Variants in ZNF256 observed in about 807,000 individuals in gnomAD.
The protein encoded by ZNF256 is zinc finger protein 256.
ZNF256 carries 4 observed loss-of-function variants against 7.9 expected under a neutral mutation model. The ratio of observed to expected loss-of-function variants is 0.50; its 90% CI spans 0.25 to 1.15. The LOEUF (loss-of-function observed/expected upper bound fraction) is 1.15, where lower values mean the gene tolerates loss of function less well. Among genes scored for constraint, ZNF256 ranks in the 50% most tolerant of loss-of-function variants. The pLI is 0.15. For missense variants in ZNF256, 666 were observed against 755.9 expected (o/e 0.88, Z 1.39); for synonymous variants, 260 against 260.4 (o/e 1.00, Z 0.02).
At chr19:57,944,202 G>C in intron 1 of ZNF256, 142 bp from the exon 2 acceptor site, 1 of 1,264,760 alleles carries the variant, frequency 7.9e-7, no homozygotes, top group Non-Finnish European at 1.1e-6. Context: ...CAGTCAGCTG[G>C]TGCTGTTGTC....
At chr19:57,944,521 G>C (rs909393543) in intron 1 of ZNF256, among the ~76,000 whole-genome samples, 3 of 152,186 alleles carry the variant, frequency 2.0e-5, no homozygotes, top group African/African-American at 7.2e-5. Flanking sequence ...CATGCTACCT[G>C]AGTGAAAGAG....
chr19:57,942,623 T>TC lies in ZNF256; in HGVS notation c.184dup (p.Glu62GlyfsTer17). The TC allele has an allele frequency of 6.2e-7, 1 of 1,613,722 alleles. No individual in the cohort carries two copies. The highest frequency in any genetic ancestry group is 8.5e-7 in the Non-Finnish European group (1 of 1,179,704). ...AGAAGTGCTCTGCTGATAAGGTGCC[T>TC]CCTCATCCCCTGCTCCAGAACCACC... On this transcript the variant is annotated frameshift_variant, in exon 3 of 3. Transcript: ENST00000282308. LOFTEE classifies it low-confidence loss of function (END_TRUNC).
At position 57,941,619 on chromosome 19, in the gene ZNF256, G is replaced by A. The variant is rs1229075891; in HGVS notation, c.1189C>T (p.His397Tyr). 20 of 1,614,016 alleles carry A rather than the reference G, an allele frequency of 1.2e-5. No homozygotes were observed. The highest frequency in any genetic ancestry group is 1.7e-5 in the Non-Finnish European group (20 of 1,180,040). Residue 397 changes from histidine to tyrosine, a missense_variant, in exon 3 of 3, where the codon CAC becomes TAC. Physicochemically the swap from His to Tyr is moderately conservative, Grantham distance 83. Coordinates refer to ENST00000282308, the MANE Select transcript of ZNF256 (RefSeq NM_005773.3). ...CCTTCTCCAATGTGAAGTCTCCGGT[G>A]TTTAATGAGGTGACAGCTCTGGCTA... ...SFSQSCHLIK[H>Y]RRLHIGEGPY... is the part of the protein sequence containing the mutation.
At chr19:57,944,685 G>A (rs78814992) in intron 1 of ZNF256, among the ~76,000 whole-genome samples, 68 of 152,206 alleles carry the variant, frequency 4.5e-4, no homozygotes, top group African/African-American at 1.5e-3. Context: ...TCAGCCAGGC[G>A]TGGTGGCACA....
At chr19:57,946,633 C>G (rs1035439246) in intron 1 of ZNF256, among the ~76,000 whole-genome samples, 2 of 152,178 alleles carry the variant, frequency 1.3e-5, no homozygotes, top group African/African-American at 4.8e-5. Context: ...CTCAACCCCC[C>G]AGTTTGTGCC....
chr19:57,946,079 G>A (rs1463584292), intron 1 of ZNF256, among the ~76,000 whole-genome samples: 1 of 152,162 alleles, frequency 6.6e-6, no homozygotes, highest in East Asian at 1.9e-4. Context: ...CGTGGCCACT[G>A]CCAAACTACA....
chr19:57,943,707 C>T (rs1338341579), intron 2 of ZNF256, among the ~76,000 whole-genome samples: 5 of 152,080 alleles, frequency 3.3e-5, no homozygotes, highest in Admixed American at 3.3e-4. Context: ...TCCATGAGGC[C>T]GACTATAAGA....
intron 1 of ZNF256, among the ~76,000 whole-genome samples, chr19:57,945,534 T>C (rs1268022179): frequency 6.6e-6 from 1 of 152,200 alleles, no homozygotes; most frequent in Admixed American, 6.5e-5. Flanking sequence ...TCTCAGGCCA[T>C]CTAAGGCTGT....
At chr19:57,943,383 A>C (rs1335903811) in intron 2 of ZNF256, among the ~76,000 whole-genome samples, 1 of 152,176 alleles carries the variant, frequency 6.6e-6, no homozygotes, top group Admixed American at 6.5e-5. Flanking sequence ...CCTCAGAACC[A>C]CAGGGCCTGT....
chr19:57,945,787 C>A lies in ZNF256; in HGVS notation c.33+1655G>T, dbSNP rs1315911293. ...ACAGGTGAATCACAGATAACCATGGCCCTATTCCACTTCTGTGCTGCACTT... is the reference window on the plus strand; with the variant it reads ...ACAGGTGAATCACAGATAACCATGGACCTATTCCACTTCTGTGCTGCACTT... On this transcript the variant is annotated intron_variant, in intron 1 of 2. Transcript: ENST00000282308. Among the ~76,000 whole-genome samples the A allele has an allele frequency of 2.6e-5, 4 of 152,152 alleles. No individual in the cohort carries two copies. The East Asian group carries it at 5.8e-4, about 22-fold the overall frequency.
rs1299324180 is a variant in ZNF256 at position 57,941,785 on chromosome 19, G to C, written c.1023C>G (p.His341Gln). The change falls in exon 3 of 3, where the codon CAC becomes CAG. Residue 341 changes from histidine to glutamine, a missense_variant. Physicochemically the swap from His to Gln is conservative, Grantham distance 24. Transcript: ENST00000282308. Reference protein sequence around the residue: ...SFSHSSSLITHQRIHTGMRPY... With the variant: ...SFSHSSSLITQQRIHTGMRPY... ...GCCTCATTCCAGTATGAATTCTCTG[G>C]TGTGTAATGAGGCTAGAGCTATGGC... 6.2e-7 allele frequency: 1 copy of C among 1,613,838 alleles called. No homozygotes were observed. The highest frequency in any genetic ancestry group is 8.5e-7 in the Non-Finnish European group (1 of 1,179,944).
chr19:57,946,636 T>TTTGTGC (rs1483306312), intron 1 of ZNF256, among the ~76,000 whole-genome samples: 20 of 152,274 alleles, frequency 1.3e-4, no homozygotes, highest in Middle Eastern at 6.8e-3. Context: ...AACCCCCCAG[T>TTTGTGC]TTGTGCCCCA....
intron 1 of ZNF256, among the ~76,000 whole-genome samples, chr19:57,945,514 G>A (rs977852592): frequency 1.3e-5 from 2 of 152,198 alleles, no homozygotes; most frequent in Admixed American, 6.5e-5. Context: ...AAGTGGGAAG[G>A]GGAATTTGTT....
chr19:57,943,188 G>C (rs2072742371), intron 2 of ZNF256, among the ~76,000 whole-genome samples: 1 of 152,224 alleles, frequency 6.6e-6, no homozygotes, highest in Non-Finnish European at 1.5e-5. Flanking sequence ...TAAGTATCAA[G>C]AATGGGAAAG....
rs537053779 is a variant in ZNF256 at position 57,941,083 on chromosome 19, A to G, written c.1725T>C (p.Tyr575=). ...AGGATTTTCCACATTCACTGCATTCATAAGGCCTTTCTCCGGTATGAACTC... is the reference window on the plus strand; with the variant it reads ...AGGATTTTCCACATTCACTGCATTCGTAAGGCCTTTCTCCGGTATGAACTC... ...HRRVHTGERP[Y]ECSECGKSFS... The change falls in exon 3 of 3, where the codon TAT becomes TAC. Residue 575 remains tyrosine (Y), a synonymous_variant. Transcript: ENST00000282308. 23 of 1,614,058 alleles carry G rather than the reference A, an allele frequency of 1.4e-5. No homozygotes were observed. Among genetic ancestry groups the G allele is most frequent in the Non-Finnish European group, 1.9e-5 (22 of 1,180,026 alleles).
At chr19:57,946,007 A>G (rs2123194973) in intron 1 of ZNF256, among the ~76,000 whole-genome samples, 1 of 152,358 alleles carries the variant, frequency 6.6e-6, no homozygotes, top group Middle Eastern at 3.4e-3. Flanking sequence ...AATAAGCACG[A>G]GTTTTGGCCT....
rs781635571 is a variant in ZNF256 at position 57,941,248 on chromosome 19, C to T, written c.1560G>A (p.Glu520=). 201 of 1,614,016 alleles carry T rather than the reference C, an allele frequency of 1.2e-4. No individual in the cohort carries two copies. The highest frequency in any genetic ancestry group is 1.6e-4 in the Non-Finnish European group (187 of 1,180,044). Residue 520 remains glutamate (E), a synonymous_variant, in exon 3 of 3, where the codon GAG becomes GAA. Coordinates refer to ENST00000282308, the MANE Select transcript of ZNF256 (RefSeq NM_005773.3). ...QRVHTGERPY[E]CNECGKFFSQ... is the part of the protein sequence containing the mutation. ...TAAAAAACTTCCCACATTCATTGCA[C>T]TCATAAGGCCTTTCTCCAGTGTGAA...
rs776056252 is a variant in ZNF256, at chr19:57,941,112, G to T, written c.1696C>A (p.Arg566=). 1 of 1,613,946 alleles carries T rather than the reference G, an allele frequency of 6.2e-7. No homozygotes were observed. Among genetic ancestry groups the T allele is most frequent in the South Asian group, 1.1e-5 (1 of 91,064 alleles). Residue 566 remains arginine, a synonymous_variant, in exon 3 of 3, where the codon CGA becomes AGA. Transcript: ENST00000282308. ...FSNHSSLVKH[R]RVHTGERPYE... ...GGCCTTTCTCCGGTATGAACTCTTC[G>T]GTGTTTAACGAGGCTAGAGTGGTTA...
chr19:57,942,026 T>G lies in ZNF256; in HGVS notation c.782A>C (p.His261Pro). Reference sequence around the variant, plus strand: ...ACATGTATAAGGCTTTTCTGAAGTGTGAACTCTCAAATGATCACTGAGGCT... The same window carrying G: ...ACATGTATAAGGCTTTTCTGAAGTGGGAACTCTCAAATGATCACTGAGGCT... Reference protein sequence around the residue: ...SCSLSDHLRVHTSEKPYTCGE... With the variant: ...SCSLSDHLRVPTSEKPYTCGE... The change falls in exon 3 of 3, where the codon CAC (histidine) becomes CCC (proline). Residue 261 changes from histidine to proline, a missense_variant. His to Pro is a moderately conservative substitution (Grantham distance 77). Transcript: ENST00000282308. 1 of 1,614,224 alleles carries G rather than the reference T, an allele frequency of 6.2e-7. No individual in the cohort carries two copies. The highest frequency in any genetic ancestry group is 8.5e-7 in the Non-Finnish European group (1 of 1,180,048).
Sources: allele counts gnomAD v4.1 joint callset (sites outside exome capture counted in the v4.1 genomes callset), GRCh38; gene constraint gnomAD v4.1.1; transcripts MANE v1.5; gene names NCBI Gene and HGNC (gene_info 2026-07-23, HGNC 2026-07-21).